Variants in LRRTM4 observed in about 807,000 individuals in gnomAD.
LRRTM4 encodes the protein leucine rich repeat transmembrane neuronal 4.
LRRTM4 carries 25 observed loss-of-function variants against 47.6 expected under a neutral mutation model. The observed-to-expected ratio is 0.53, with a 90% CI of 0.38 to 0.73. The LOEUF (loss-of-function observed/expected upper bound fraction) is 0.73. LRRTM4 is among the 30% of genes least tolerant of loss of function. The pLI, the probability that LRRTM4 is intolerant of heterozygous loss-of-function variation, is 0.00. For synonymous variants in LRRTM4, 311 were observed against 269.5 expected (o/e 1.15, Z -1.51); for missense variants, 638 against 713.4 (o/e 0.89, Z 1.20).
intron 3 of LRRTM4, among the ~76,000 whole-genome samples, chr2:77,056,395 A>C (rs1245844182): frequency 1.3e-5 from 2 of 152,204 alleles, no homozygotes; most frequent in African/African-American, 4.8e-5. Flanking sequence ...CAAATGAAAT[A>C]ATCATAATGT....
At chr2:77,230,884 CAAATT>C (rs550587650) in intron 3 of LRRTM4, among the ~76,000 whole-genome samples, 8 of 152,016 alleles carry the variant, frequency 5.3e-5, no homozygotes, top group Admixed American at 5.2e-4. Flanking sequence ...TAAAAATAGA[CAAATT>C]AATTTCTATT....
intron 3 of LRRTM4, among the ~76,000 whole-genome samples, chr2:77,000,570 A>G (rs998214074): frequency 1.3e-5 from 2 of 152,200 alleles, no homozygotes; most frequent in African/African-American, 4.8e-5. Context: ...AGTATTGCCC[A>G]TTGGTAGAAG....
At chr2:77,208,179 C>T (rs1674194914) in intron 3 of LRRTM4, among the ~76,000 whole-genome samples, 1 of 151,964 alleles carries the variant, frequency 6.6e-6, no homozygotes, top group Admixed American at 6.6e-5. Context: ...ACGCACCCCC[C>T]AAGGTGGCTT....
At chr2:77,271,922 A>C (rs1220783935) in intron 3 of LRRTM4, among the ~76,000 whole-genome samples, 11 of 152,148 alleles carry the variant, frequency 7.2e-5, no homozygotes. Flanking sequence ...ATAAGACTTT[A>C]CTTAAGTGTC....
At chr2:77,260,686 G>A (rs1039135593) in intron 3 of LRRTM4, among the ~76,000 whole-genome samples, 2 of 148,020 alleles carry the variant, frequency 1.4e-5, no homozygotes, top group East Asian at 3.9e-4. Context: ...TGCAATAAAT[G>A]CTGTCAAAAC....
chr2:77,493,074 G>T (rs1391382286), intron 3 of LRRTM4, among the ~76,000 whole-genome samples: 1 of 151,758 alleles, frequency 6.6e-6, no homozygotes, highest in Non-Finnish European at 1.5e-5. Context: ...GAAAACAAAG[G>T]CACAAATAAA....
chr2:77,230,663 C>T (rs1273185581), intron 3 of LRRTM4, among the ~76,000 whole-genome samples: 1 of 151,958 alleles, frequency 6.6e-6, no homozygotes, highest in Non-Finnish European at 1.5e-5. Flanking sequence ...GGGTTTTATG[C>T]ATAATAAATG....
At position 76,956,584 on chromosome 2, in the gene LRRTM4, T is replaced by G. The variant is rs1205251164; in HGVS notation, c.1552-207668A>C. On this transcript the variant is annotated intron_variant, in intron 3 of 3. Coordinates refer to ENST00000409884, the MANE Select transcript of LRRTM4 (RefSeq NM_001134745.3). Reference sequence around the variant, plus strand: ...AATAAGAATGATCTAAACCTAAAGATAGCAGAAAATGAAAATAATAAACAC... The same window carrying G: ...AATAAGAATGATCTAAACCTAAAGAGAGCAGAAAATGAAAATAATAAACAC... 4.0e-5 allele frequency among the ~76,000 whole-genome samples: 6 copies of G among 150,252 alleles called. No homozygotes were observed. In the East Asian group the frequency reaches 1.2e-3, roughly 30 times the overall value.
At chr2:77,207,349 G>GTATATATATATATATA (rs1553409290) in intron 3 of LRRTM4, among the ~76,000 whole-genome samples, 15 of 120,832 alleles carry the variant, frequency 1.2e-4, no homozygotes, top group African/African-American at 5.1e-4. Flanking sequence ...TCATATATGT[G>GTATATATATATATATA]TATATATATA....
rs779693728 is a variant in LRRTM4 at position 77,077,881 on chromosome 2, CAT to C, written c.1552-328967_1552-328966del. On this transcript the variant is annotated intron_variant, in intron 3 of 3. Coordinates refer to ENST00000409884, the MANE Select transcript of LRRTM4 (RefSeq NM_001134745.3). ...TAGAACACATTCATGGTAATTAGCA[CAT>C]GTCAAATAATTAATCTTCATAGCCT... Among the ~76,000 whole-genome samples, 15 of 152,232 alleles carry C rather than the reference CAT, an allele frequency of 9.9e-5. No homozygotes were observed. The South Asian group carries it at 3.1e-3, about 32-fold the overall frequency.
chr2:76,975,658 G>A (rs1018593034), intron 3 of LRRTM4, among the ~76,000 whole-genome samples: 2 of 151,576 alleles, frequency 1.3e-5, no homozygotes, highest in Admixed American at 6.6e-5. Flanking sequence ...AGTTAACTGT[G>A]GAACTACTCT....
Position 77,519,353 on chromosome 2 carries a change from C to A in LRRTM4, c.516G>T (p.Val172=), listed in dbSNP as rs962656071. 2.5e-5 allele frequency: 41 copies of A among 1,613,384 alleles called. No individual in the cohort carries two copies. Among genetic ancestry groups the A allele is most frequent in the Non-Finnish European group, 3.5e-5 (41 of 1,179,602 alleles). The change falls in exon 3 of 4, where the codon GTG becomes GTT. Residue 172 remains valine, a synonymous_variant. Transcript: ENST00000409884. This position sits in a 1 kb window ranked among gnomAD's most constrained non-coding sequence, Gnocchi z 4.6. ...GACAGTCTTGAAAAACTCTTATGGG[C>A]ACAGTCTTTAGTGAGTTAGATCTCA... ...LHLRSNSLKT[V]PIRVFQDCRN...
At chr2:77,427,470 C>G (rs1486931250) in intron 3 of LRRTM4, among the ~76,000 whole-genome samples, 1 of 152,110 alleles carries the variant, frequency 6.6e-6, no homozygotes, top group African/African-American at 2.4e-5. Flanking sequence ...GACATGTTTG[C>G]TAAGTGAAAA....
At chr2:76,861,581 T>G (rs1232675161) in intron 3 of LRRTM4, among the ~76,000 whole-genome samples, 1 of 152,198 alleles carries the variant, frequency 6.6e-6, no homozygotes, top group Non-Finnish European at 1.5e-5. Flanking sequence ...AAAATTTTGC[T>G]TTGGCCTTTA....
intron 3 of LRRTM4, among the ~76,000 whole-genome samples, chr2:77,222,948 A>G (rs1468687489): frequency 6.6e-6 from 1 of 152,224 alleles, no homozygotes; most frequent in Non-Finnish European, 1.5e-5. Context: ...CATTGATGCA[A>G]AAATCCTCAA....
At chr2:76,909,746 T>G (rs1015292101) in intron 3 of LRRTM4, among the ~76,000 whole-genome samples, 4 of 152,018 alleles carry the variant, frequency 2.6e-5, no homozygotes, top group Non-Finnish European at 5.9e-5. Flanking sequence ...CATGAAAAAA[T>G]GCTCACCATC....
intron 3 of LRRTM4, among the ~76,000 whole-genome samples, chr2:77,203,809 T>C (rs1674046975): frequency 1.3e-5 from 2 of 152,112 alleles, no homozygotes; most frequent in African/African-American, 2.4e-5. Context: ...TTCAAAATGT[T>C]CTATTGCAAG....
chr2:76,863,222 C>G (rs1445658795), intron 3 of LRRTM4, among the ~76,000 whole-genome samples: 1 of 152,146 alleles, frequency 6.6e-6, no homozygotes, highest in Non-Finnish European at 1.5e-5. Context: ...TAAGATAATT[C>G]AGTCCTCATG....
intron 3 of LRRTM4, among the ~76,000 whole-genome samples, chr2:77,209,814 G>A (rs1674242489): frequency 6.6e-6 from 1 of 152,206 alleles, no homozygotes; most frequent in African/African-American, 2.4e-5. Context: ...AGGAGAAACT[G>A]TGAACAAAGT....
Sources: gnomAD v4.1 joint callset for allele counts (sites outside exome capture counted in the v4.1 genomes callset) on GRCh38, gnomAD v4.1.1 for gene constraint, Gnocchi (gnomAD v3.1) non-coding constraint, MANE v1.5 for transcripts, NCBI Gene and HGNC (gene_info 2026-07-23, HGNC 2026-07-21) for gene names.